The following LYSMD3 variants were observed in gnomAD, a reference collection of about 807,000 sequenced individuals.
LYSMD3 encodes the protein lysM and putative peptidoglycan-binding domain-containing protein 3.
In LYSMD3, 13 loss-of-function variants were observed where a neutral mutation model predicts 26.1. The observed-to-expected ratio is 0.50, with a 90% CI of 0.32 to 0.79. The LOEUF (loss-of-function observed/expected upper bound fraction) is 0.79. LYSMD3 is among the 30% of genes least tolerant of loss of function. The pLI, the probability that LYSMD3 is intolerant of heterozygous loss-of-function variation, is 0.03. For synonymous variants in LYSMD3, 109 were observed against 119.4 expected, an observed-to-expected ratio of 0.91 and a Z score of 0.57; for missense variants, 331 against 362.5, an observed-to-expected ratio of 0.91 and a Z score of 0.71.
chr5:90,522,337 CTCTTT>C (rs1753114570), intron 2 of LYSMD3, among the ~76,000 whole-genome samples: 1 of 152,182 alleles, frequency 6.6e-6, no homozygotes, highest in African/African-American at 2.4e-5. Context: ...CCAATTAAAC[CTCTTT>C]TCTTATAAAC....
chr5:90,520,074 C>G (rs187194924), intron 2 of LYSMD3, among the ~76,000 whole-genome samples: 114 of 152,140 alleles, frequency 7.5e-4, no homozygotes, highest in African/African-American at 2.4e-3. Context: ...GGTAATTTAT[C>G]CCCCTTATTT....
rs1342757262 is a variant in LYSMD3 at position 90,517,367 on chromosome 5, G to A, written c.*1452C>T. 2 of 151,914 alleles carry A rather than the reference G, an allele frequency of 1.3e-5. No individual in the cohort carries two copies. Among genetic ancestry groups the A allele is most frequent in the South Asian group, 2.1e-4 (1 of 4,826 alleles). 9.4% of individuals were successfully genotyped at this position (151,914 alleles called of 1,614,324 possible). On this transcript the variant is annotated 3_prime_UTR_variant, in exon 3 of 3. Transcript: ENST00000315948. ...GAAACATCAACAATTAGGAAATAAT[G>A]CCCAGAAAATGAGGTGGTATTATAT...
At position 90,527,646 on chromosome 5, in the gene LYSMD3, TATGAA is replaced by T. The variant is rs976706409; in HGVS notation, c.-12+1797_-12+1801del. 8.3e-3 allele frequency among the ~76,000 whole-genome samples: 1,267 copies of T among 152,290 alleles called. 14 individuals are homozygous for T. Among genetic ancestry groups the T allele is most frequent in the African/African-American group, 0.029 (1,203 of 41,564 alleles). On this transcript the variant is annotated intron_variant, in intron 1 of 2. Transcript: ENST00000315948. ...CTTCCGACTATGTGTATAAGTTGAA[TATGAA>T]ACACAAATTTCATGTTCAGACAGGT... is the stretch of plus-strand genomic sequence containing the variant.
intron 2 of LYSMD3, among the ~76,000 whole-genome samples, chr5:90,522,878 A>G (rs1032816048): frequency 6.6e-6 from 1 of 152,206 alleles, no homozygotes; most frequent in Non-Finnish European, 1.5e-5. Context: ...TGCCTGAAAC[A>G]TCTTTACACC....
At chr5:90,526,008 A>C (rs1753214472) in intron 1 of LYSMD3, among the ~76,000 whole-genome samples, 1 of 152,222 alleles carries the variant, frequency 6.6e-6, no homozygotes, top group Admixed American at 6.5e-5. Context: ...TCAGAGAAAT[A>C]ATTGTGTTAT....
At position 90,519,330 on chromosome 5, in the gene LYSMD3, T is replaced by C; in HGVS notation, c.410A>G (p.Tyr137Cys). The C allele has an allele frequency of 6.2e-7, 1 of 1,613,934 alleles. No homozygotes were observed. The highest frequency in any genetic ancestry group is 1.1e-5 in the South Asian group (1 of 91,080). Reference sequence around the variant, plus strand: ...CAAAATTTCCTGTTGTTCGGAAGAGTATTGAACAGATGAATGACGTGAAGT... The same window carrying C: ...CAAAATTTCCTGTTGTTCGGAAGAGCATTGAACAGATGAATGACGTGAAGT... ...RQTSRHSSVQ[Y>C]SSEQQEILPA... The change falls in exon 3 of 3, where the codon TAC (tyrosine) becomes TGC (cysteine). Residue 137 changes from tyrosine to cysteine, a missense_variant. By Grantham distance (194) the Tyr-to-Cys change is radical. Transcript: ENST00000315948.
At chr5:90,520,747 CA>C (rs1386400004) in intron 2 of LYSMD3, among the ~76,000 whole-genome samples, 2 of 151,922 alleles carry the variant, frequency 1.3e-5, no homozygotes, top group African/African-American at 4.8e-5. Context: ...GGTGAAACCC[CA>C]TCTCTACTAA....
chr5:90,526,607 A>G (rs1300160764), intron 1 of LYSMD3, among the ~76,000 whole-genome samples: 3 of 152,204 alleles, frequency 2.0e-5, no homozygotes, highest in Non-Finnish European at 4.4e-5. Flanking sequence ...GGGAAGTAGT[A>G]AGAAGCACTT....
At chr5:90,524,802 T>C (rs1380967185) in intron 2 of LYSMD3, among the ~76,000 whole-genome samples, 4 of 152,126 alleles carry the variant, frequency 2.6e-5, no homozygotes, top group East Asian at 3.9e-4. Flanking sequence ...CTGTGTTAGC[T>C]AGGATGGTCT....
In LYSMD3 at chr5:90,516,561, ACT is replaced by A. The variant is rs1294600906; in HGVS notation, c.*2256_*2257del. On this transcript the variant is annotated 3_prime_UTR_variant, in exon 3 of 3. Coordinates refer to ENST00000315948, the MANE Select transcript of LYSMD3 (RefSeq NM_198273.2). The stretch of plus-strand genomic sequence containing the variant: ...TGATATAAACTTAACTTACATTAGT[ACT>A]TTTTAGAAACTAAAATTATTCCAAA... The A allele has an allele frequency of 2.6e-5, 4 of 152,152 alleles. No homozygotes were observed. In the East Asian group the frequency reaches 5.8e-4, roughly 22 times the overall value. The allele number at this position is 152,152 out of a possible 1,614,324, so 9.4% of individuals were successfully genotyped here.
rs534744191 is a variant in LYSMD3 at position 90,522,783 on chromosome 5, C to T, written c.255+2252G>A. ...AGCATTTCATCCCAAATAGTCTGTGCCACTCACTTCGGAAATAACTATGAA... is the reference window on the plus strand; with the variant it reads ...AGCATTTCATCCCAAATAGTCTGTGTCACTCACTTCGGAAATAACTATGAA... On this transcript the variant is annotated intron_variant, in intron 2 of 2. Transcript: ENST00000315948. 4.0e-3 allele frequency among the ~76,000 whole-genome samples: 606 copies of T among 152,304 alleles called. 4 individuals carry two copies. The highest frequency in any genetic ancestry group is 0.014 in the African/African-American group (570 of 41,568).
intron 2 of LYSMD3, among the ~76,000 whole-genome samples, chr5:90,522,847 C>A (rs1195704969): frequency 6.6e-6 from 1 of 152,212 alleles, no homozygotes; most frequent in Non-Finnish European, 1.5e-5. Context: ...TCCTTGAAAT[C>A]TTCTTCACAT....
chr5:90,524,956 A>C, intron 2 of LYSMD3, 79 bp downstream of exon 2: 10 of 1,268,916 alleles, frequency 7.9e-6, no homozygotes, highest in Non-Finnish European at 7.6e-6. Flanking sequence ...AAACAAGGTA[A>C]AAAAGGACAC....
At position 90,525,063 on chromosome 5, in the gene LYSMD3, T is replaced by C. The variant is rs1289664009; in HGVS notation, c.227A>G (p.Asn76Ser). The change falls in exon 2 of 3, where the codon AAT (asparagine) becomes AGT (serine). Residue 76 changes from asparagine (N) to serine (S), a missense_variant. Transcript: ENST00000315948. ...TKDIQEGDTLNAIALQYCCTV... is the reference protein window; with the variant it reads ...TKDIQEGDTLSAIALQYCCTV... The stretch of plus-strand genomic sequence containing the variant: ...ACAACAGTACTGAAGGGCTATTGCA[T>C]TTAATGTATCTCCTTCTTGTATATC... 2 of 1,610,956 alleles carry C rather than the reference T, an allele frequency of 1.2e-6. No homozygotes were observed. The highest frequency in any genetic ancestry group is 1.7e-6 in the Non-Finnish European group (2 of 1,177,806).
intron 2 of LYSMD3, among the ~76,000 whole-genome samples, chr5:90,523,938 GAC>G (rs1162243621): frequency 6.6e-6 from 1 of 152,090 alleles, no homozygotes; most frequent in Non-Finnish European, 1.5e-5. Flanking sequence ...TGGACATAAT[GAC>G]ACAGAGAGAA....
At chr5:90,520,055 T>C (rs1753051520) in intron 2 of LYSMD3, among the ~76,000 whole-genome samples, 1 of 152,158 alleles carries the variant, frequency 6.6e-6, no homozygotes, top group Admixed American at 6.5e-5. Context: ...CCTTAGAATT[T>C]AAAAAATTGG....
chr5:90,523,205 GTTT>G (rs1405167361), intron 2 of LYSMD3, among the ~76,000 whole-genome samples: 8 of 151,994 alleles, frequency 5.3e-5, no homozygotes, highest in African/African-American at 1.9e-4. Flanking sequence ...AAGAATTGAT[GTTT>G]TCATACATGA....
intron 1 of LYSMD3, among the ~76,000 whole-genome samples, chr5:90,526,493 A>C (rs1812737): frequency 6.6e-6 from 1 of 152,060 alleles, no homozygotes; most frequent in Non-Finnish European, 1.5e-5. Flanking sequence ...AATTAGGAAC[A>C]CAAGAACCTA....
At position 90,529,554 on chromosome 5, in the gene LYSMD3, G is replaced by GTCCGCC. The variant is rs1308388601; in HGVS notation, c.-124_-119dup. Reference sequence around the variant, plus strand: ...CGAGCCTCTGCTTTGGGCTGACCCCGTCCGCCTCCGCCTCTGCCGCCAACG... The same window carrying GTCCGCC: ...CGAGCCTCTGCTTTGGGCTGACCCCGTCCGCCTCCGCCTCCGCCTCTGCCGCCAACG... On this transcript the variant is annotated 5_prime_UTR_variant, in exon 1 of 3. Coordinates refer to ENST00000315948, the MANE Select transcript of LYSMD3 (RefSeq NM_198273.2). 1 of 456,580 alleles carries GTCCGCC rather than the reference G, an allele frequency of 2.2e-6. No homozygotes were observed. The highest frequency in any genetic ancestry group is 4.4e-6 in the Non-Finnish European group (1 of 226,926). 28.3% of individuals were successfully genotyped at this position (456,580 alleles called of 1,614,324 possible).
Sources: allele counts gnomAD v4.1 joint callset (sites outside exome capture counted in the v4.1 genomes callset), GRCh38; gene constraint gnomAD v4.1.1; transcripts MANE v1.5; gene names NCBI Gene and HGNC (gene_info 2026-07-23, HGNC 2026-07-21).